The following SPATA16 variants were observed in gnomAD, a reference collection of about 807,000 sequenced individuals.
SPATA16 encodes the protein spermatogenesis-associated protein 16.
SPATA16 carries 36 observed loss-of-function variants against 63.3 expected under a neutral mutation model. The ratio of observed to expected loss-of-function variants is 0.57; its 90% CI spans 0.44 to 0.75. SPATA16 has a LOEUF of 0.75. Among genes scored for constraint, SPATA16 ranks in the 30% least tolerant of loss-of-function variants. The pLI, the probability that SPATA16 is intolerant of heterozygous loss-of-function variation, is 0.00. For missense variants in SPATA16, 646 were observed against 679.3 expected, an observed-to-expected ratio of 0.95 and a Z score of 0.54; for synonymous variants, 203 against 216.7, an observed-to-expected ratio of 0.94 and a Z score of 0.56.
intron 1 of SPATA16, among the ~76,000 whole-genome samples, chr3:173,131,395 G>A (rs1007245388): frequency 3.3e-5 from 5 of 152,098 alleles, no homozygotes; most frequent in East Asian, 1.9e-4. Context: ...TAACTCCCTC[G>A]TCAAAGTGAG....
intron 2 of SPATA16, among the ~76,000 whole-genome samples, chr3:173,066,243 C>T (rs1588876): frequency 0.23 from 35,673 of 152,038 alleles, 5,590 homozygotes; most frequent in African/African-American, 0.46. Flanking sequence ...CTTCCTGGCA[C>T]GGATCCATCC....
intron 2 of SPATA16, among the ~76,000 whole-genome samples, chr3:173,080,192 A>G (rs1736892803): frequency 6.6e-6 from 1 of 152,232 alleles, no homozygotes. Flanking sequence ...TGGCACTGCC[A>G]TAAAGTAAAA....
chr3:172,929,556 GTC>G (rs369069829), intron 6 of SPATA16, among the ~76,000 whole-genome samples: 327 of 148,982 alleles, frequency 2.2e-3, no homozygotes, highest in Admixed American at 0.013. Context: ...TTCAGTAGTA[GTC>G]TCTCTCTCTC....
At chr3:172,913,214 C>G (rs1165118590) in intron 10 of SPATA16, among the ~76,000 whole-genome samples, 1 of 152,154 alleles carries the variant, frequency 6.6e-6, no homozygotes, top group African/African-American at 2.4e-5. Context: ...TCCTCTATTT[C>G]TAACAATTAG....
chr3:173,100,789 TG>T (rs1157108592), intron 2 of SPATA16, among the ~76,000 whole-genome samples: 2 of 152,064 alleles, frequency 1.3e-5, no homozygotes, highest in African/African-American at 4.8e-5. Flanking sequence ...ATTAAAAAGA[TG>T]TGCTTACCAT....
intron 2 of SPATA16, among the ~76,000 whole-genome samples, chr3:173,064,865 G>A (rs550716083): frequency 1.5e-4 from 23 of 152,176 alleles, no homozygotes; most frequent in Admixed American, 5.9e-4. Flanking sequence ...ATGAAAAATC[G>A]GGATTGATAA....
intron 2 of SPATA16, among the ~76,000 whole-genome samples, chr3:173,078,540 A>C (rs1353456253): frequency 6.6e-6 from 1 of 152,192 alleles, no homozygotes; most frequent in African/African-American, 2.4e-5. Flanking sequence ...AGTTGCTGCC[A>C]CATCATATTG....
At chr3:173,022,395 A>T (rs1212482226) in intron 3 of SPATA16, among the ~76,000 whole-genome samples, 2 of 152,136 alleles carry the variant, frequency 1.3e-5, no homozygotes, top group Admixed American at 1.3e-4. Context: ...GTAATTATAA[A>T]AGAATATTTG....
intron 6 of SPATA16, among the ~76,000 whole-genome samples, chr3:172,933,764 G>A (rs1030395614): frequency 6.6e-6 from 1 of 152,166 alleles, no homozygotes; most frequent in Non-Finnish European, 1.5e-5. Context: ...CACTAAGTCA[G>A]TTTGAGCTGT....
Position 173,068,034 on chromosome 3 carries a change from G to A in SPATA16, c.613-18940C>T, listed in dbSNP as rs572714847. Among the ~76,000 whole-genome samples the A allele has an allele frequency of 7.2e-5, 11 of 152,294 alleles. No individual in the cohort carries two copies. In the South Asian group the frequency reaches 2.3e-3, roughly 32 times the overall value. On this transcript the variant is annotated intron_variant, in intron 2 of 10. Coordinates refer to ENST00000351008, the MANE Select transcript of SPATA16 (RefSeq NM_031955.6). ...AAAATTATCCTTCAAACATGAAGGA[G>A]ACAAACAAAAGCTGTGGGACTTCAT...
chr3:173,023,743 A>T (rs1431976736), intron 3 of SPATA16, among the ~76,000 whole-genome samples: 1 of 151,640 alleles, frequency 6.6e-6, no homozygotes, highest in East Asian at 1.9e-4. Context: ...GTAATATTTT[A>T]ACTTTTTTAA....
chr3:172,952,269 G>C (rs961779546), intron 6 of SPATA16, among the ~76,000 whole-genome samples: 1 of 152,184 alleles, frequency 6.6e-6, no homozygotes, highest in African/African-American at 2.4e-5. Flanking sequence ...GCAGTAGGAA[G>C]CTGCCTACTT....
intron 4 of SPATA16, among the ~76,000 whole-genome samples, chr3:173,018,608 C>T (rs531680057): frequency 1.3e-5 from 2 of 152,074 alleles, no homozygotes; most frequent in Non-Finnish European, 2.9e-5. Context: ...CAAACTCTTG[C>T]TTCCAATGTC....
At chr3:172,992,303 T>C (rs566083769) in intron 4 of SPATA16, among the ~76,000 whole-genome samples, 1 of 152,262 alleles carries the variant, frequency 6.6e-6, no homozygotes, top group African/African-American at 2.4e-5. Context: ...TATAAATAAG[T>C]AATTTTGGAA....
chr3:172,901,255 A>G (rs899780967), intron 10 of SPATA16, among the ~76,000 whole-genome samples: 2 of 152,098 alleles, frequency 1.3e-5, no homozygotes, highest in Non-Finnish European at 2.9e-5. Context: ...GCTGGAGTGC[A>G]ATCGCATGAT....
intron 3 of SPATA16, among the ~76,000 whole-genome samples, chr3:173,030,281 G>A (rs1387857096): frequency 6.6e-6 from 1 of 152,060 alleles, no homozygotes; most frequent in Non-Finnish European, 1.5e-5. Context: ...TATAAACAGA[G>A]TAACACAGCA....
At chr3:173,035,023 C>T (rs1000749999) in intron 3 of SPATA16, among the ~76,000 whole-genome samples, 14 of 152,084 alleles carry the variant, frequency 9.2e-5, no homozygotes, top group Admixed American at 9.2e-4. Context: ...AGTGTCACAG[C>T]ACATTACTTT....
intron 10 of SPATA16, among the ~76,000 whole-genome samples, chr3:172,890,107 C>T (rs930969449): frequency 2.6e-5 from 4 of 152,086 alleles, no homozygotes; most frequent in African/African-American, 9.7e-5. Context: ...CCTTCAAAGC[C>T]AGAGATTCTA....
intron 3 of SPATA16, among the ~76,000 whole-genome samples, chr3:173,022,744 G>GA (rs34736596): frequency 0.12 from 17,086 of 140,290 alleles, 1,057 homozygotes; most frequent in Admixed American, 0.14. Context: ...CAGTTACAGT[G>GA]AAAAAAAAAA....
Sources: allele counts gnomAD v4.1 joint callset (sites outside exome capture counted in the v4.1 genomes callset), GRCh38; gene constraint gnomAD v4.1.1; transcripts MANE v1.5; gene names NCBI Gene and HGNC (gene_info 2026-07-23, HGNC 2026-07-21).